The following PACRG variants were observed in gnomAD, a reference collection of about 807,000 sequenced individuals.
The protein encoded by PACRG is parkin coregulated.
Under a neutral mutation model 29.7 loss-of-function variants are expected in PACRG, and 29 were observed. The observed-to-expected ratio is 0.98, with a 90% CI of 0.73 to 1.33. The LOEUF (loss-of-function observed/expected upper bound fraction) is 1.33. Among genes scored for constraint, PACRG ranks in the 40% most tolerant of loss-of-function variants. The pLI, the probability that PACRG is intolerant of heterozygous loss-of-function variation, is 0.00. For missense variants in PACRG, 279 were observed against 316.2 expected (o/e 0.88, Z 0.89); for synonymous variants, 116 against 118.7 (o/e 0.98, Z 0.15).
At chr6:163,298,465 G>A (rs556509353) in intron 4 of PACRG, among the ~76,000 whole-genome samples, 12 of 152,316 alleles carry the variant, frequency 7.9e-5, no homozygotes, top group Non-Finnish European at 1.6e-4. Context: ...TAACCTTTCT[G>A]AACAATCAAT....
At chr6:163,202,841 A>G (rs1454498980) in intron 4 of PACRG, among the ~76,000 whole-genome samples, 5 of 152,198 alleles carry the variant, frequency 3.3e-5, no homozygotes, top group Non-Finnish European at 7.3e-5. Context: ...TAAATACAGA[A>G]CATTGAAGGA....
At position 163,004,701 on chromosome 6, in the gene PACRG, A is replaced by AGTGTGTGTGTGTGTGT. The variant is rs374627693; in HGVS notation, c.292-57438_292-57423dup. Among the ~76,000 whole-genome samples the AGTGTGTGTGTGTGTGT allele has an allele frequency of 1.0e-3, 133 of 131,478 alleles. 1 individual carries two copies. Among genetic ancestry groups the AGTGTGTGTGTGTGTGT allele is most frequent in the African/African-American group, 4.3e-3 (126 of 29,288 alleles). The allele number at this position is 131,478 out of a possible 152,430, so 86.3% of individuals were successfully genotyped here. The stretch of plus-strand genomic sequence containing the variant: ...CCATATCAAATGTATACAAAGTTCT[A>AGTGTGTGTGTGTGTGT]GTGTGTGTGTGTGTGTGTGTGTGTG... On this transcript the variant is annotated intron_variant, in intron 2 of 4. Coordinates refer to ENST00000366888, the MANE Select transcript of PACRG (RefSeq NM_001080379.2).
rs113284968 is a variant in PACRG, at chr6:163,314,476, T to C, written c.614-351T>C. Among the ~76,000 whole-genome samples the C allele has an allele frequency of 3.2e-3, 484 of 152,280 alleles. 5 individuals are homozygous for C. Among genetic ancestry groups the C allele is most frequent in the African/African-American group, 0.011 (458 of 41,546 alleles). On this transcript the variant is annotated intron_variant, in intron 4 of 4. Coordinates refer to ENST00000366888, the MANE Select transcript of PACRG (RefSeq NM_001080379.2). The stretch of plus-strand genomic sequence containing the variant: ...GCCTGATCTCACAATAGACTGTTCC[T>C]TCTAAGTACACCGTGCTGTGATTTT...
intron 2 of PACRG, among the ~76,000 whole-genome samples, chr6:162,873,269 C>G (rs1402740682): frequency 6.6e-6 from 1 of 152,078 alleles, no homozygotes; most frequent in Non-Finnish European, 1.5e-5. Flanking sequence ...ACATCTTCCT[C>G]AGTACCTACA....
intron 2 of PACRG, among the ~76,000 whole-genome samples, chr6:162,938,949 G>C (rs1249324398): frequency 6.6e-6 from 1 of 151,916 alleles, no homozygotes; most frequent in African/African-American, 2.4e-5. Flanking sequence ...CCACTCTGTG[G>C]GTTGTCTATT....
chr6:163,289,833 T>C (rs991298053), intron 4 of PACRG, among the ~76,000 whole-genome samples: 34 of 151,928 alleles, frequency 2.2e-4, no homozygotes, highest in African/African-American at 8.2e-4. Flanking sequence ...TCTGTTTTTT[T>C]TTTCTTTTTC....
intron 2 of PACRG, among the ~76,000 whole-genome samples, chr6:162,859,412 C>T (rs1160223413): frequency 6.6e-6 from 1 of 152,148 alleles, no homozygotes; most frequent in East Asian, 1.9e-4. Context: ...ACTACCTTTT[C>T]CTAATTGAAT....
chr6:162,858,916 C>T (rs73019534), intron 2 of PACRG, among the ~76,000 whole-genome samples: 12 of 152,298 alleles, frequency 7.9e-5, no homozygotes, highest in Non-Finnish European at 1.3e-4. Context: ...ATTCTAGTTT[C>T]CATGCCTACT....
chr6:162,949,045 C>T (rs1294257670), intron 2 of PACRG, among the ~76,000 whole-genome samples: 4 of 152,210 alleles, frequency 2.6e-5, no homozygotes, highest in South Asian at 4.1e-4. Context: ...AAAAAGATAT[C>T]TGCACCCCAT....
chr6:162,878,454 G>C (rs1187711058), intron 2 of PACRG, among the ~76,000 whole-genome samples: 1 of 152,076 alleles, frequency 6.6e-6, no homozygotes, highest in African/African-American at 2.4e-5. Context: ...CTTTTTTAGA[G>C]TGTTTGATGC....
At chr6:162,933,989 C>T (rs964189068) in intron 2 of PACRG, among the ~76,000 whole-genome samples, 8 of 152,188 alleles carry the variant, frequency 5.3e-5, no homozygotes, top group South Asian at 4.2e-4. Context: ...CACAACTGGG[C>T]GCGGTGGCTC....
chr6:163,023,255 C>T (rs529666081), intron 2 of PACRG, among the ~76,000 whole-genome samples: 5 of 152,228 alleles, frequency 3.3e-5, no homozygotes, highest in African/African-American at 4.8e-5. Flanking sequence ...TCCTCAGTGT[C>T]TCTTGTTTCC....
intron 1 of PACRG, among the ~76,000 whole-genome samples, chr6:162,809,832 G>C (rs1303272308): frequency 6.6e-6 from 1 of 152,102 alleles, no homozygotes; most frequent in Non-Finnish European, 1.5e-5. Flanking sequence ...TCTAAATAAT[G>C]GTTGTAGTTG....
At chr6:163,199,653 T>G (rs2128148729) in intron 4 of PACRG, among the ~76,000 whole-genome samples, 1 of 151,890 alleles carries the variant, frequency 6.6e-6, no homozygotes, top group Non-Finnish European at 1.5e-5. Flanking sequence ...CCTGGAGGAG[T>G]AAATGGTGGA....
chr6:163,139,995 G>A (rs1384448476), intron 4 of PACRG, among the ~76,000 whole-genome samples: 3 of 152,018 alleles, frequency 2.0e-5, no homozygotes, highest in Non-Finnish European at 2.9e-5. Flanking sequence ...CTGCCAGGAC[G>A]AGCCCCATTC....
rs1252904281 is a variant in PACRG at position 163,209,581 on chromosome 6, G to A, written c.614-105246G>A. 2.0e-5 allele frequency among the ~76,000 whole-genome samples: 3 copies of A among 152,162 alleles called. No homozygotes were observed. The South Asian group carries it at 6.2e-4, about 32-fold the overall frequency. Reference sequence around the variant, plus strand: ...GAGGGTAACACAAAATGAGACAACTGCTACATAATGTTTATTCTAAAGGAA... The same window carrying A: ...GAGGGTAACACAAAATGAGACAACTACTACATAATGTTTATTCTAAAGGAA... On this transcript the variant is annotated intron_variant, in intron 4 of 4. Coordinates refer to ENST00000366888, the MANE Select transcript of PACRG (RefSeq NM_001080379.2).
At chr6:162,917,978 T>G (rs1796812134) in intron 2 of PACRG, among the ~76,000 whole-genome samples, 1 of 152,230 alleles carries the variant, frequency 6.6e-6, no homozygotes, top group Non-Finnish European at 1.5e-5. Context: ...TGTGCTCATC[T>G]AACTTAGTTA....
Position 162,853,758 on chromosome 6 carries a change from A to G in PACRG, c.291+39477A>G, listed in dbSNP as rs1791126177. On this transcript the variant is annotated intron_variant, in intron 2 of 4. Transcript: ENST00000366888. This position sits in a 1 kb window ranked among gnomAD's most constrained non-coding sequence, Gnocchi z 4.7. ...TCACATGTACCCCTAAACCTAAAAT[A>G]AACATTTTTTAAAAAGCTATACTAC... 6.6e-6 allele frequency among the ~76,000 whole-genome samples: 1 copy of G among 152,198 alleles called. No individual in the cohort carries two copies. The highest frequency in any genetic ancestry group is 1.5e-5 in the Non-Finnish European group (1 of 68,034).
chr6:162,843,000 C>T (rs1789946221), intron 2 of PACRG, among the ~76,000 whole-genome samples: 1 of 134,738 alleles, frequency 7.4e-6, no homozygotes, highest in African/African-American at 2.9e-5. Flanking sequence ...TTGAGGGTAA[C>T]CCGACCTTTC....
Sources: gnomAD v4.1 joint callset for allele counts (sites outside exome capture counted in the v4.1 genomes callset) on GRCh38, gnomAD v4.1.1 for gene constraint, Gnocchi (gnomAD v3.1) non-coding constraint, MANE v1.5 for transcripts, NCBI Gene and HGNC (gene_info 2026-07-23, HGNC 2026-07-21) for gene names.